EYA4: variants seen among roughly 807,000 people sequenced by gnomAD.
The protein encoded by EYA4 is protein phosphatase EYA4.
EYA4 carries 31 observed loss-of-function variants against 87.9 expected under a neutral mutation model. The observed-to-expected ratio is 0.35, with a 90% CI of 0.27 to 0.48. EYA4 has a LOEUF of 0.48. Ranked by LOEUF, EYA4 falls within the 20% of genes least tolerant of loss-of-function variation. The pLI is 0.99. For synonymous variants in EYA4, 263 were observed against 270.6 expected (o/e 0.97, Z 0.28); for missense variants, 678 against 761.4 (o/e 0.89, Z 1.29).
chr6:133,394,569 A>AG (rs774995732), intron 3 of EYA4, among the ~76,000 whole-genome samples: 1 of 151,682 alleles, frequency 6.6e-6, no homozygotes, highest in African/African-American at 2.4e-5. Flanking sequence ...AATTACAGAG[A>AG]GAAAAAAAAA....
At chr6:133,441,093 T>C (rs1479151902) in intron 3 of EYA4, among the ~76,000 whole-genome samples, 1 of 152,164 alleles carries the variant, frequency 6.6e-6, no homozygotes, top group Non-Finnish European at 1.5e-5. Context: ...TCCAATATTA[T>C]TCTGTATCAT....
chr6:133,517,230 G>C (rs77023643), intron 17 of EYA4, among the ~76,000 whole-genome samples: 5,274 of 152,112 alleles, frequency 0.035, 312 homozygotes, highest in African/African-American at 0.12. Flanking sequence ...CCAGAGGGTG[G>C]AGAATAGAAG....
At chr6:133,252,583 G>A (rs1254344456) in intron 1 of EYA4, among the ~76,000 whole-genome samples, 1 of 152,042 alleles carries the variant, frequency 6.6e-6, no homozygotes, top group African/African-American at 2.4e-5. Flanking sequence ...AAGCATATAT[G>A]AAACACATTT....
At chr6:133,286,684 T>C (rs1224672983) in intron 2 of EYA4, among the ~76,000 whole-genome samples, 1 of 152,186 alleles carries the variant, frequency 6.6e-6, no homozygotes, top group Non-Finnish European at 1.5e-5. Flanking sequence ...TATGAATAGG[T>C]ATTGAGACAG....
At chr6:133,244,320 G>A (rs1181178345) in intron 1 of EYA4, among the ~76,000 whole-genome samples, 1 of 151,932 alleles carries the variant, frequency 6.6e-6, no homozygotes, top group Non-Finnish European at 1.5e-5. Flanking sequence ...ATTTGAAATT[G>A]AATTTCTCAT....
At chr6:133,468,827 C>G in intron 11 of EYA4, 96 bp downstream of exon 11, 2 of 1,247,474 alleles carry the variant, frequency 1.6e-6, no homozygotes, top group South Asian at 2.4e-5. Context: ...CGGAAAGCTC[C>G]CAGATAATTG....
At chr6:133,511,978 A>T (rs1391097585) in intron 14 of EYA4, among the ~76,000 whole-genome samples, 2 of 136,976 alleles carry the variant, frequency 1.5e-5, no homozygotes, top group Non-Finnish European at 3.1e-5. Context: ...GAGATTCCAT[A>T]TAAAAAAAAA....
At chr6:133,372,423 A>G (rs1015451470) in intron 2 of EYA4, among the ~76,000 whole-genome samples, 7 of 152,008 alleles carry the variant, frequency 4.6e-5, no homozygotes, top group Non-Finnish European at 7.4e-5. Flanking sequence ...AACCTGAGAA[A>G]AGGTGATTTG....
intron 1 of EYA4, among the ~76,000 whole-genome samples, chr6:133,246,183 GAC>G: frequency 6.6e-6 from 1 of 152,156 alleles, no homozygotes; most frequent in Non-Finnish European, 1.5e-5. Flanking sequence ...TTAGGGTACT[GAC>G]ACAATAGTAT....
chr6:133,319,722 C>CTT (rs58829338), intron 2 of EYA4, among the ~76,000 whole-genome samples: 17,017 of 143,268 alleles, frequency 0.12, 1,204 homozygotes, highest in Non-Finnish European at 0.16. Flanking sequence ...TTCTTTTCTT[C>CTT]TTTTTTTTTT....
At position 133,350,696 on chromosome 6, in the gene EYA4, G is replaced by A. The variant is rs897888750; in HGVS notation, c.34-31696G>A. ...GTCGTTTGCTCTCTGTATCTTTTTC[G>A]TACTTCAGTTTGCTACATCTTCACA... is the stretch of plus-strand genomic sequence containing the variant. On this transcript the variant is annotated intron_variant, in intron 2 of 19. Coordinates refer to ENST00000355286, the MANE Select transcript of EYA4 (RefSeq NM_004100.5). Among the ~76,000 whole-genome samples the A allele has an allele frequency of 5.3e-5, 8 of 151,980 alleles. No individual in the cohort carries two copies. The South Asian group carries it at 6.2e-4, about 12-fold the overall frequency.
At chr6:133,268,017 G>A (rs1255513170) in intron 1 of EYA4, among the ~76,000 whole-genome samples, 1 of 152,156 alleles carries the variant, frequency 6.6e-6, no homozygotes, top group Non-Finnish European at 1.5e-5. Flanking sequence ...TATATAAATA[G>A]TTTGGGCATT....
intron 3 of EYA4, among the ~76,000 whole-genome samples, chr6:133,402,965 C>T (rs1329143192): frequency 2.6e-5 from 4 of 152,316 alleles, no homozygotes; most frequent in Non-Finnish European, 5.9e-5. Context: ...ACCCACTCTA[C>T]CAACTTGGGC....
At chr6:133,451,443 T>C (rs1215889450) in intron 5 of EYA4, among the ~76,000 whole-genome samples, 1 of 152,208 alleles carries the variant, frequency 6.6e-6, no homozygotes, top group Admixed American at 6.5e-5. Context: ...AGATTCTAAT[T>C]TGCTGAATGG....
At chr6:133,438,622 C>T (rs555562376) in intron 3 of EYA4, among the ~76,000 whole-genome samples, 45 of 151,922 alleles carry the variant, frequency 3.0e-4, no homozygotes, top group African/African-American at 8.9e-4. Context: ...ATTCACAGGA[C>T]GCTGCTTTGT....
chr6:133,268,999 G>A (rs566722074), intron 1 of EYA4, among the ~76,000 whole-genome samples: 2 of 152,072 alleles, frequency 1.3e-5, no homozygotes. Flanking sequence ...TGGCTCATGC[G>A]TGTAATCCCA....
intron 4 of EYA4, among the ~76,000 whole-genome samples, chr6:133,447,325 C>T (rs999811989): frequency 5.9e-5 from 9 of 152,006 alleles, no homozygotes; most frequent in Non-Finnish European, 1.2e-4. Flanking sequence ...CCCATAATTA[C>T]GCCACAGCAT....
At chr6:133,304,255 C>A (rs1342187547) in intron 2 of EYA4, among the ~76,000 whole-genome samples, 2 of 152,054 alleles carry the variant, frequency 1.3e-5, no homozygotes, top group Non-Finnish European at 2.9e-5. Flanking sequence ...ACTTAATTAT[C>A]TAGTGGGGAA....
chr6:133,360,869 AT>A (rs2128445746), intron 2 of EYA4, among the ~76,000 whole-genome samples: 1 of 152,264 alleles, frequency 6.6e-6, no homozygotes, highest in East Asian at 1.9e-4. Context: ...TAGCATAGAG[AT>A]TGGGATGTTT....
Sources: allele counts gnomAD v4.1 joint callset (sites outside exome capture counted in the v4.1 genomes callset), GRCh38; gene constraint gnomAD v4.1.1; transcripts MANE v1.5; gene names NCBI Gene and HGNC (gene_info 2026-07-23, HGNC 2026-07-21).